The following NBAS variants were observed in gnomAD, a reference collection of about 807,000 sequenced individuals.
The protein encoded by NBAS is NAG/BC035112 fusion.
A neutral mutation model predicts 302.5 loss-of-function variants in NBAS; 219 were observed. The observed-to-expected ratio is 0.72, with a 90% confidence interval of 0.65 to 0.81. The LOEUF (loss-of-function observed/expected upper bound fraction) is 0.81, where lower values mean the gene tolerates loss of function less well. Ranked by LOEUF, NBAS falls within the 30% of genes least tolerant of loss-of-function variation. NBAS has a pLI of 0.00. For missense variants in NBAS, 2,932 were observed against 2,841.6 expected (o/e 1.03, Z -0.72); for synonymous variants, 1,118 against 1,021.6 (o/e 1.09, Z -1.80).
chr2:15,261,371 TAA>T (rs1480015158), intron 44 of NBAS, among the ~76,000 whole-genome samples: 1 of 152,176 alleles, frequency 6.6e-6, no homozygotes, highest in Non-Finnish European at 1.5e-5. Flanking sequence ...AAGTGAAAGT[TAA>T]GTTTTAAAAT....
the NBAS span, among the ~76,000 whole-genome samples, chr2:14,837,990 C>T: frequency 6.6e-6 from 1 of 151,830 alleles, no homozygotes; most frequent in Non-Finnish European, 1.5e-5. Context: ...TATAGAATGC[C>T]ATGTTGATAT....
intron 29 of NBAS, among the ~76,000 whole-genome samples, chr2:15,381,767 A>C (rs1322430584): frequency 1.3e-5 from 2 of 152,220 alleles, no homozygotes; most frequent in African/African-American, 4.8e-5. Flanking sequence ...GTGGTCAGAG[A>C]CTGCAATCAT....
At chr2:15,163,029 G>A (rs757251741), downstream of NBAS, among the ~76,000 whole-genome samples, 2 of 152,188 alleles carry the variant, frequency 1.3e-5, no homozygotes, top group South Asian at 4.1e-4. Flanking sequence ...AACAGATCTC[G>A]TGCCACGGGC....
the NBAS span, among the ~76,000 whole-genome samples, chr2:15,142,890 C>T: frequency 7.2e-5 from 11 of 152,172 alleles, no homozygotes; most frequent in African/African-American, 2.7e-4. Context: ...AAAGAAACAT[C>T]CCTCCGTTTT....
the NBAS span, among the ~76,000 whole-genome samples, chr2:15,036,032 T>A: frequency 6.6e-6 from 1 of 152,184 alleles, no homozygotes; most frequent in East Asian, 1.9e-4. Context: ...ATATTTTAAA[T>A]GTAAGTGAAA....
the NBAS span, among the ~76,000 whole-genome samples, chr2:15,017,148 C>T: frequency 6.6e-6 from 1 of 152,012 alleles, no homozygotes; most frequent in Non-Finnish European, 1.5e-5. Flanking sequence ...ACCTCTCACC[C>T]TATACAAAAA....
intron 32 of NBAS, among the ~76,000 whole-genome samples, chr2:15,356,712 G>C: frequency 6.6e-6 from 1 of 152,060 alleles, no homozygotes; most frequent in Non-Finnish European, 1.5e-5. Flanking sequence ...GTATTACCAG[G>C]GTAAGGGAAA....
rs113521515 is a variant in NBAS, at chr2:15,334,916, G to A, written c.4180-4151C>T. On this transcript the variant is annotated intron_variant, in intron 35 of 51. Coordinates refer to ENST00000281513, the MANE Select transcript of NBAS (RefSeq NM_015909.4). ...GAGCTCACTTGCAGTCACTAACCCTGCCAAAACAAACACTATCCTGACTTG... is the reference window on the plus strand; with the variant it reads ...GAGCTCACTTGCAGTCACTAACCCTACCAAAACAAACACTATCCTGACTTG... Among the ~76,000 whole-genome samples the A allele has an allele frequency of 9.1e-3, 1,388 of 152,248 alleles. 15 individuals are homozygous for A. The highest frequency in any genetic ancestry group is 0.032 in the African/African-American group (1,314 of 41,540).
chr2:14,797,226 G>A, the NBAS span, among the ~76,000 whole-genome samples: 2 of 152,242 alleles, frequency 1.3e-5, no homozygotes, highest in Admixed American at 6.5e-5. Context: ...GCTGAGAGAT[G>A]TTCCGTCACT....
chr2:15,526,024 C>G (rs141084921), intron 9 of NBAS, among the ~76,000 whole-genome samples: 174 of 151,940 alleles, frequency 1.1e-3, no homozygotes, highest in African/African-American at 4.1e-3. Context: ...CCACCGTGAG[C>G]GAAAGGCTTA....
chr2:14,841,848 G>C, the NBAS span, among the ~76,000 whole-genome samples: 73 of 152,024 alleles, frequency 4.8e-4, no homozygotes, highest in Admixed American at 8.5e-4. Context: ...AAGCCTAACT[G>C]ACATTTACAG....
At chr2:15,478,145 C>T in intron 13 of NBAS, 81 bp downstream of exon 13, 1 of 1,060,354 alleles carries the variant, frequency 9.4e-7, no homozygotes, top group Non-Finnish European at 1.4e-6. Context: ...TATCTAGAGA[C>T]TTTTTATATC....
At chr2:14,913,957 G>A in the NBAS span, among the ~76,000 whole-genome samples, 9 of 152,096 alleles carry the variant, frequency 5.9e-5, no homozygotes, top group African/African-American at 2.2e-4. Flanking sequence ...CCTGAGACTG[G>A]GTGATTTATA....
intron 38 of NBAS, among the ~76,000 whole-genome samples, chr2:15,321,562 C>A (rs1671807704): frequency 6.6e-6 from 1 of 152,122 alleles, no homozygotes; most frequent in Admixed American, 6.5e-5. Context: ...AAAAAGCAAA[C>A]AACCCCATCA....
chr2:15,204,073 G>C (rs766695807), intron 48 of NBAS, among the ~76,000 whole-genome samples: 1 of 152,034 alleles, frequency 6.6e-6, no homozygotes, highest in Non-Finnish European at 1.5e-5. Context: ...TCCAGCCTGA[G>C]CAACATAGTG....
chr2:15,167,348 C>A, intron 51 of NBAS, 25 bp from the exon 52 acceptor site: 1 of 1,613,696 alleles, frequency 6.2e-7, no homozygotes, highest in East Asian at 2.2e-5. Context: ...ACAGGCACAG[C>A]GTGAGGGGGT....
chr2:15,178,094 T>C (rs1452394104), intron 51 of NBAS: 1 of 468,638 alleles, frequency 2.1e-6, no homozygotes, highest in African/African-American at 2.0e-5. Flanking sequence ...CTTCACTGTC[T>C]TGAGTAGCAA....
intron 14 of NBAS, among the ~76,000 whole-genome samples, chr2:15,474,647 G>C (rs1680110998): frequency 6.6e-6 from 1 of 151,790 alleles, no homozygotes; most frequent in South Asian, 2.1e-4. Context: ...TGCAACCTCG[G>C]CCTCCCAGGT....
intron 1 of NBAS, among the ~76,000 whole-genome samples, chr2:15,559,081 A>AAAAAAAAAAAAAAC (rs1664788279): frequency 6.6e-6 from 1 of 150,472 alleles, no homozygotes; most frequent in Non-Finnish European, 1.5e-5. Flanking sequence ...AAAAAAAAAA[A>AAAAAAAAAAAAAAC]AAAAAAGTAG....
Sources: allele counts gnomAD v4.1 joint callset (sites outside exome capture counted in the v4.1 genomes callset), GRCh38; gene constraint gnomAD v4.1.1; transcripts MANE v1.5; gene names NCBI Gene and HGNC (gene_info 2026-07-23, HGNC 2026-07-21).